The following CAST variants were observed in gnomAD, a reference collection of about 807,000 sequenced individuals.
The protein encoded by CAST is calpastatin.
CAST carries 76 observed loss-of-function variants against 119.6 expected under a neutral mutation model. The observed-to-expected ratio is 0.64, with a 90% CI of 0.53 to 0.77. The LOEUF (loss-of-function observed/expected upper bound fraction) is 0.77. Ranked by LOEUF, CAST falls within the 30% of genes least tolerant of loss-of-function variation. The probability of loss-of-function intolerance (pLI) is 0.00; values close to 1 mark genes in which losing one functional copy is unlikely to be tolerated. For synonymous variants in CAST, 319 were observed against 331.6 expected (o/e 0.96, Z 0.41); for missense variants, 953 against 946.5 (o/e 1.01, Z -0.09).
upstream of CAST, among the ~76,000 whole-genome samples, chr5:96,523,273 T>C (rs1745545822): frequency 6.6e-6 from 1 of 152,236 alleles, no homozygotes; most frequent in South Asian, 2.1e-4. Context: ...CAACACTCTC[T>C]CCTCTTGCTC....
intron 2 of CAST, among the ~76,000 whole-genome samples, chr5:96,688,211 C>T (rs1487445578): frequency 6.6e-6 from 1 of 152,094 alleles, no homozygotes; most frequent in Non-Finnish European, 1.5e-5. Context: ...AATGTTTGGT[C>T]TTGACTTTAT....
rs765312608 is a variant in CAST at position 96,748,616 on chromosome 5, A to G, written c.1428+3A>G. 7.3e-7 allele frequency: 1 copy of G among 1,363,334 alleles called. No individual in the cohort carries two copies. 84.5% of individuals were successfully genotyped at this position (1,363,334 alleles called of 1,614,324 possible). ...CTAAGCCAACTGAAAAGACAGAAGT[A>G]TGTTTCTAAACATATAAATCTCTAG... On this transcript the variant is annotated splice_donor_region_variant and intron_variant, in intron 19 of 31. Transcript: ENST00000675179.
the CAST span, among the ~76,000 whole-genome samples, chr5:96,412,752 GTTTTTTTTTTT>G: frequency 1.4e-5 from 1 of 71,832 alleles, no homozygotes; most frequent in Non-Finnish European, 2.2e-5. Flanking sequence ...CAGCTGTGAT[GTTTTTTTTTTT>G]TTTTTTTTTT....
the CAST span, among the ~76,000 whole-genome samples, chr5:96,163,544 TTTTTAA>T: frequency 1.6e-4 from 25 of 152,236 alleles, no homozygotes; most frequent in Admixed American, 1.6e-3. Flanking sequence ...TTTTTCTATA[TTTTTAA>T]TTTTAATAGA....
chr5:96,692,663 G>C (rs1580991247), intron 2 of CAST, among the ~76,000 whole-genome samples: 1 of 152,110 alleles, frequency 6.6e-6, no homozygotes, highest in Admixed American at 6.5e-5. Context: ...ACAGCAGTCA[G>C]GTGTTAGTCA....
At chr5:96,008,729 G>A in the CAST span, among the ~76,000 whole-genome samples, 1 of 152,230 alleles carries the variant, frequency 6.6e-6, no homozygotes. Context: ...ATCTTTTGCT[G>A]AGATCATTCT....
the CAST span, among the ~76,000 whole-genome samples, chr5:96,144,769 C>T: frequency 6.6e-6 from 1 of 151,780 alleles, no homozygotes; most frequent in Non-Finnish European, 1.5e-5. Context: ...CAAGTGAATC[C>T]AGGTTCAAGC....
At chr5:96,119,065 T>C in the CAST span, among the ~76,000 whole-genome samples, 2 of 152,190 alleles carry the variant, frequency 1.3e-5, no homozygotes, top group African/African-American at 4.8e-5. Context: ...GCAGTTGGAC[T>C]ATAATGGGAA....
chr5:96,663,262 T>C (rs1256900864), intron 1 of CAST: 1 of 701,082 alleles, frequency 1.4e-6, no homozygotes, highest in African/African-American at 1.7e-5. Context: ...GGATGAAGCG[T>C]TGTCCGGGGT....
intron 16 of CAST, 52 bp from the exon 17 acceptor site, chr5:96,746,290 C>T (rs1320945931): frequency 4.1e-6 from 4 of 985,238 alleles, no homozygotes; most frequent in South Asian, 3.8e-5. Context: ...GTGATATCAT[C>T]TCATTATGTG....
chr5:96,589,463 G>A (rs1284496114), intron 1 of CAST, among the ~76,000 whole-genome samples: 1 of 151,896 alleles, frequency 6.6e-6, no homozygotes, highest in East Asian at 1.9e-4. Flanking sequence ...TGAATCTTGG[G>A]AACTCTTTCC....
the CAST span, among the ~76,000 whole-genome samples, chr5:96,428,254 T>C: frequency 6.6e-6 from 1 of 152,172 alleles, no homozygotes; most frequent in Non-Finnish European, 1.5e-5. Context: ...CACATACATA[T>C]ATATATATTT....
At chr5:96,306,833 A>G in the CAST span, among the ~76,000 whole-genome samples, 4,512 of 151,942 alleles carry the variant, frequency 0.03, 257 homozygotes, top group African/African-American at 0.1. Context: ...ATGATTTTGT[A>G]TTCTTTTGCA....
At chr5:96,289,597 G>T in the CAST span, among the ~76,000 whole-genome samples, 1 of 152,142 alleles carries the variant, frequency 6.6e-6, no homozygotes, top group South Asian at 2.1e-4. Flanking sequence ...TGATTGTGTG[G>T]CCTCCCCAGC....
chr5:96,589,296 A>T (rs557095811), intron 1 of CAST, among the ~76,000 whole-genome samples: 38 of 152,314 alleles, frequency 2.5e-4, no homozygotes, highest in African/African-American at 7.9e-4. Flanking sequence ...TCTTTTGTAA[A>T]CATGTATTCT....
chr5:96,018,352 T>G, the CAST span, among the ~76,000 whole-genome samples: 1 of 152,208 alleles, frequency 6.6e-6, no homozygotes, highest in Admixed American at 6.5e-5. Context: ...GAGGCCTGTT[T>G]AGATTAAGTA....
chr5:96,027,944 G>A, the CAST span, among the ~76,000 whole-genome samples: 61 of 152,172 alleles, frequency 4.0e-4, no homozygotes, highest in South Asian at 1.0e-3. Flanking sequence ...AAATCCTCCA[G>A]AACATTTGAC....
the CAST span, among the ~76,000 whole-genome samples, chr5:95,963,836 C>T: frequency 6.7e-6 from 1 of 149,904 alleles, no homozygotes. Flanking sequence ...AAACCTGTAT[C>T]CCACTGCTTT....
At chr5:96,579,917 G>A (rs986455723) in intron 1 of CAST, among the ~76,000 whole-genome samples, 1 of 152,236 alleles carries the variant, frequency 6.6e-6, no homozygotes, top group Non-Finnish European at 1.5e-5. Flanking sequence ...CACCGCTGCC[G>A]TGGGGCAATA....
Sources: gnomAD v4.1 joint callset for allele counts (sites outside exome capture counted in the v4.1 genomes callset) on GRCh38, gnomAD v4.1.1 for gene constraint, MANE v1.5 for transcripts, NCBI Gene and HGNC (gene_info 2026-07-23, HGNC 2026-07-21) for gene names.